Variants in NELL1 observed in about 807,000 individuals in gnomAD.
NELL1 encodes the protein neural EGFL like 1.
In NELL1, 76 loss-of-function variants were observed where a neutral mutation model predicts 107.4. The observed-to-expected ratio is 0.71, with a 90% CI of 0.59 to 0.86. The LOEUF is 0.86. Ranked by LOEUF, NELL1 falls within the 40% of genes least tolerant of loss-of-function variation. NELL1 has a pLI of 0.00. For synonymous variants in NELL1, 353 were observed against 341.2 expected, an observed-to-expected ratio of 1.03 and a Z score of -0.38; for missense variants, 1,024 against 1,005.5, an observed-to-expected ratio of 1.02 and a Z score of -0.25.
At chr11:21,292,440 A>C (rs1443515809) in intron 14 of NELL1, among the ~76,000 whole-genome samples, 1 of 152,230 alleles carries the variant, frequency 6.6e-6, no homozygotes, top group African/African-American at 2.4e-5. Flanking sequence ...GACACAAACA[A>C]ATGCAAAAAC....
chr11:20,709,423 T>C (rs566555609), intron 2 of NELL1, among the ~76,000 whole-genome samples: 1 of 152,358 alleles, frequency 6.6e-6, no homozygotes, highest in Admixed American at 6.5e-5. Context: ...ACCAGTACCA[T>C]GCTGTTTTGT....
At chr11:21,393,444 T>C (rs1208188042) in intron 15 of NELL1, among the ~76,000 whole-genome samples, 1 of 151,718 alleles carries the variant, frequency 6.6e-6, no homozygotes, top group Non-Finnish European at 1.5e-5. Context: ...CAACGCTGAA[T>C]AGAAAACAGT....
chr11:20,762,361 G>A (rs750273169), intron 2 of NELL1, among the ~76,000 whole-genome samples: 11 of 152,288 alleles, frequency 7.2e-5, no homozygotes, highest in African/African-American at 1.9e-4. Flanking sequence ...CACTGAGCAC[G>A]TCTGCGGTTA....
intron 2 of NELL1, among the ~76,000 whole-genome samples, chr11:20,680,141 TC>T (rs1471484192): frequency 6.6e-6 from 1 of 152,042 alleles, no homozygotes; most frequent in Non-Finnish European, 1.5e-5. Flanking sequence ...CAGGATAATC[TC>T]CCCCATCTCA....
At chr11:21,101,522 A>C (rs1278276667) in intron 12 of NELL1, among the ~76,000 whole-genome samples, 1 of 152,054 alleles carries the variant, frequency 6.6e-6, no homozygotes, top group African/African-American at 2.4e-5. Context: ...CTTTTTAATG[A>C]TCGCCATTCT....
In NELL1 at chr11:21,499,220, A is replaced by G. The variant is rs371542162; in HGVS notation, c.1646-35154A>G. Among the ~76,000 whole-genome samples, 35 of 152,086 alleles carry G rather than the reference A, an allele frequency of 2.3e-4. No homozygotes were observed. The East Asian group carries it at 5.0e-3, about 22-fold the overall frequency. On this transcript the variant is annotated intron_variant, in intron 15 of 19. Coordinates refer to ENST00000357134, the MANE Select transcript of NELL1 (RefSeq NM_006157.5). ...TTTTTTGTATGTTATTAAACTCTGT[A>G]ATACATTGTAAAATTTACTTCTATA...
intron 13 of NELL1, among the ~76,000 whole-genome samples, chr11:21,221,425 T>C (rs1051971241): frequency 7.2e-5 from 11 of 152,190 alleles, no homozygotes; most frequent in Non-Finnish European, 1.3e-4. Flanking sequence ...TACCACCTCT[T>C]CAGTTTTTGT....
chr11:21,066,079 GTTCTT>G (rs1565041564), intron 12 of NELL1, among the ~76,000 whole-genome samples: 1 of 152,098 alleles, frequency 6.6e-6, no homozygotes, highest in Non-Finnish European at 1.5e-5. Flanking sequence ...AGATTTGATT[GTTCTT>G]TTGTGCCCAT....
At chr11:21,158,006 T>C (rs1856281726) in intron 13 of NELL1, among the ~76,000 whole-genome samples, 1 of 152,152 alleles carries the variant, frequency 6.6e-6, no homozygotes, top group Non-Finnish European at 1.5e-5. Flanking sequence ...CCATCTTCAG[T>C]CTGGGTGGGC....
At chr11:20,778,464 C>A (rs1165090270) in intron 2 of NELL1, among the ~76,000 whole-genome samples, 1 of 70,752 alleles carries the variant, frequency 1.4e-5, no homozygotes, top group East Asian at 3.2e-4. Flanking sequence ...CATTTAATTT[C>A]TTTCCTTCTC....
chr11:21,358,310 A>G (rs1850985981), intron 14 of NELL1, among the ~76,000 whole-genome samples: 2 of 152,118 alleles, frequency 1.3e-5, no homozygotes, highest in Admixed American at 6.6e-5. Flanking sequence ...TGTGTCATCT[A>G]TAATTTCTTT....
At chr11:20,956,062 T>C (rs1434239355) in intron 11 of NELL1, among the ~76,000 whole-genome samples, 1 of 151,790 alleles carries the variant, frequency 6.6e-6, no homozygotes, top group Admixed American at 6.6e-5. Flanking sequence ...CTACTAAAAA[T>C]ACAAAAATTA....
At chr11:21,109,687 A>G (rs961953792) in intron 12 of NELL1, among the ~76,000 whole-genome samples, 1 of 152,104 alleles carries the variant, frequency 6.6e-6, no homozygotes, top group Non-Finnish European at 1.5e-5. Flanking sequence ...TAATTATTCA[A>G]TACCCTTCAG....
chr11:21,073,360 A>T (rs1256294036), intron 12 of NELL1, among the ~76,000 whole-genome samples: 2 of 152,148 alleles, frequency 1.3e-5, no homozygotes, highest in African/African-American at 4.8e-5. Flanking sequence ...GGAAAAATAC[A>T]GGTATACACC....
At chr11:21,328,617 C>T (rs1850201624) in intron 14 of NELL1, among the ~76,000 whole-genome samples, 1 of 152,116 alleles carries the variant, frequency 6.6e-6, no homozygotes, top group African/African-American at 2.4e-5. Flanking sequence ...CCACCAACAG[C>T]TTGCACCATA....
chr11:21,160,201 G>A (rs988532734), intron 13 of NELL1, among the ~76,000 whole-genome samples: 2 of 152,200 alleles, frequency 1.3e-5, no homozygotes, highest in African/African-American at 4.8e-5. Flanking sequence ...GCTTCAGGGG[G>A]TAATTTAAAG....
At position 21,479,623 on chromosome 11, in the gene NELL1, A is replaced by G. The variant is rs562659958; in HGVS notation, c.1646-54751A>G. Among the ~76,000 whole-genome samples, 11 of 152,302 alleles carry G rather than the reference A, an allele frequency of 7.2e-5. No homozygotes were observed. The South Asian group carries it at 2.3e-3, about 32-fold the overall frequency. On this transcript the variant is annotated intron_variant, in intron 15 of 19. Transcript: ENST00000357134. ...TTAATAAGATCTATAATTTGATAGC[A>G]TAAAAGGGTGACTAAAGTCAACAGT...
chr11:21,290,162 G>A (rs1375227757), intron 14 of NELL1, among the ~76,000 whole-genome samples: 1 of 152,056 alleles, frequency 6.6e-6, no homozygotes, highest in Admixed American at 6.5e-5. Context: ...GAGGTCAGGA[G>A]ATCGAGACCA....
chr11:21,412,534 C>G (rs1183461114), intron 15 of NELL1, among the ~76,000 whole-genome samples: 1 of 151,992 alleles, frequency 6.6e-6, no homozygotes, highest in Non-Finnish European at 1.5e-5. Context: ...AGATTTGAAC[C>G]CATGTTTTTC....
Sources: gnomAD v4.1 joint callset for allele counts (sites outside exome capture counted in the v4.1 genomes callset) on GRCh38, gnomAD v4.1.1 for gene constraint, MANE v1.5 for transcripts, NCBI Gene and HGNC (gene_info 2026-07-23, HGNC 2026-07-21) for gene names.